Variants in MAP4K3 observed in about 807,000 individuals in gnomAD.
The protein encoded by MAP4K3 is MAPK/ERK kinase kinase kinase 3.
Under a neutral mutation model 143.5 loss-of-function variants are expected in MAP4K3, and 94 were observed. The ratio of observed to expected loss-of-function variants is 0.65; its 90% CI spans 0.55 to 0.78. The LOEUF is 0.78. Ranked by LOEUF, MAP4K3 falls within the 30% of genes least tolerant of loss-of-function variation. The pLI is 0.00. For missense variants in MAP4K3, 1,077 were observed against 1,068.1 expected (o/e 1.01, Z -0.12); for synonymous variants, 416 against 347.2 (o/e 1.20, Z -2.20).
intron 4 of MAP4K3, among the ~76,000 whole-genome samples, chr2:39,340,586 G>C (rs1015209927): frequency 1.3e-5 from 2 of 152,136 alleles, no homozygotes; most frequent in African/African-American, 4.8e-5. Context: ...AACGAAACTG[G>C]TCTTGCTTCT....
intron 1 of MAP4K3, among the ~76,000 whole-genome samples, chr2:39,435,557 G>A (rs1050892405): frequency 3.9e-5 from 6 of 152,144 alleles, no homozygotes; most frequent in African/African-American, 1.4e-4. Flanking sequence ...ACAGGATCAG[G>A]TCCTCCTATT....
rs1425679890 is a variant in MAP4K3, at chr2:39,260,749, A to G, written c.2165T>C (p.Leu722Pro). Residue 722 changes from leucine to proline, a missense_variant, in exon 29 of 34, where the codon CTT becomes CCT. Physicochemically the swap from Leu to Pro is moderately conservative, Grantham distance 98. This residue lies in a region of MAP4K3 where 864 missense variants were observed against 801.2 expected (regional missense o/e 1.08). Coordinates refer to ENST00000263881, the MANE Select transcript of MAP4K3 (RefSeq NM_003618.4). ...KHIDFPIPCP[L>P]RMFEMLVVPE... ...AACTACCAGCATTTCAAACATTCTA[A>G]GTGGACATGGTATAGGAAAATCTAT... 6.2e-7 allele frequency: 1 copy of G among 1,613,318 alleles called. No individual in the cohort carries two copies. The highest frequency in any genetic ancestry group is 1.1e-5 in the South Asian group (1 of 91,038).
At chr2:39,362,138 T>G (rs535695082) in intron 2 of MAP4K3, among the ~76,000 whole-genome samples, 53 of 152,246 alleles carry the variant, frequency 3.5e-4, no homozygotes, top group Non-Finnish European at 2.9e-5. Flanking sequence ...AGTTTTCTAC[T>G]AGATATTATT....
At chr2:39,354,006 C>T (rs1410818532) in intron 3 of MAP4K3, among the ~76,000 whole-genome samples, 1 of 152,152 alleles carries the variant, frequency 6.6e-6, no homozygotes, top group Non-Finnish European at 1.5e-5. Flanking sequence ...AACCTCTTAA[C>T]TACCAAAGAT....
chr2:39,296,770 C>A (rs1303301603), intron 16 of MAP4K3, among the ~76,000 whole-genome samples: 2 of 152,196 alleles, frequency 1.3e-5, no homozygotes, highest in African/African-American at 4.8e-5. Context: ...CTTGTTCATA[C>A]AATCAACAAT....
In MAP4K3 at chr2:39,250,978, A is replaced by C. The variant is rs930589009; in HGVS notation, c.2598-273T>G. ...ATTAGAAATTATTTGGGGGAACTTA[A>C]TTCTTATTACAAGTTCTAAAAACGA... On this transcript the variant is annotated intron_variant, in intron 33 of 33. Coordinates refer to ENST00000263881, the MANE Select transcript of MAP4K3 (RefSeq NM_003618.4). 3.3e-5 allele frequency among the ~76,000 whole-genome samples: 5 copies of C among 152,216 alleles called. No individual in the cohort carries two copies. In the East Asian group the frequency reaches 9.6e-4, roughly 29 times the overall value.
chr2:39,312,837 T>C (rs1682986721), intron 13 of MAP4K3, among the ~76,000 whole-genome samples: 1 of 152,350 alleles, frequency 6.6e-6, no homozygotes, highest in East Asian at 1.9e-4. Flanking sequence ...AATTCCAAAA[T>C]GCGGTCTGTA....
chr2:39,410,180 T>C (rs1667197919), intron 1 of MAP4K3, among the ~76,000 whole-genome samples: 1 of 152,194 alleles, frequency 6.6e-6, no homozygotes, highest in Non-Finnish European at 1.5e-5. Context: ...GAGCTGCTAA[T>C]CTGTCATTTA....
At chr2:39,328,993 A>C (rs138580043) in intron 8 of MAP4K3, among the ~76,000 whole-genome samples, 1 of 152,230 alleles carries the variant, frequency 6.6e-6, no homozygotes, top group East Asian at 1.9e-4. Context: ...GAGAGGTTCT[A>C]AAGTTTTAGA....
In MAP4K3 at chr2:39,257,724, G is replaced by A. The variant is rs546709799; in HGVS notation, c.2470+624C>T. Among the ~76,000 whole-genome samples, 245 of 150,408 alleles carry A rather than the reference G, an allele frequency of 1.6e-3. 3 individuals are homozygous for A. Among genetic ancestry groups the A allele is most frequent in the African/African-American group, 5.2e-3 (215 of 40,972 alleles). Reference sequence around the variant, plus strand: ...TGAGGCAGGAGAATCACTTGAATCCGGGAGGCAGAGGTTGCAGTGAGCTGA... The same window carrying A: ...TGAGGCAGGAGAATCACTTGAATCCAGGAGGCAGAGGTTGCAGTGAGCTGA... On this transcript the variant is annotated intron_variant, in intron 31 of 33. Coordinates refer to ENST00000263881, the MANE Select transcript of MAP4K3 (RefSeq NM_003618.4).
chr2:39,309,382 G>A, intron 14 of MAP4K3, 79 bp downstream of exon 14: 1 of 999,126 alleles, frequency 1.0e-6, no homozygotes, highest in Non-Finnish European at 1.5e-6. Context: ...TAGCTTTTTT[G>A]GTCAGTACTA....
intron 1 of MAP4K3, among the ~76,000 whole-genome samples, chr2:39,420,612 T>C (rs1203107540): frequency 1.3e-5 from 2 of 151,506 alleles, no homozygotes; most frequent in African/African-American, 4.9e-5. Flanking sequence ...GAGGTCTAGC[T>C]ATGTTGTCCA....
At chr2:39,435,111 C>G (rs572939998) in intron 1 of MAP4K3, among the ~76,000 whole-genome samples, 2 of 152,234 alleles carry the variant, frequency 1.3e-5, no homozygotes, top group African/African-American at 4.8e-5. Context: ...TAAGCGAACT[C>G]CCCCAACCAG....
chr2:39,254,342 T>C lies in MAP4K3; in HGVS notation c.2541+108A>G, dbSNP rs765216491. The C allele has an allele frequency of 5.7e-4, 468 of 824,838 alleles. 2 individuals carry two copies. The highest frequency in any genetic ancestry group is 7.2e-4 in the Non-Finnish European group (357 of 497,190). The allele number at this position is 824,838 out of a possible 1,614,324, so 51.1% of individuals were successfully genotyped here. A position where few individuals can be genotyped will look rare whatever the true frequency, so the allele number is the denominator to read the frequency against. On this transcript the variant is annotated intron_variant, in intron 32 of 33. Transcript: ENST00000263881. ...ATCAATAGACTAAATACAGTAAGTA[T>C]TAATAAAGTTAGCCAATCAAGCATT...
chr2:39,316,815 T>C (rs1463529414), intron 12 of MAP4K3, among the ~76,000 whole-genome samples: 1 of 152,172 alleles, frequency 6.6e-6, no homozygotes, highest in South Asian at 2.1e-4. Context: ...ACTTAAAAAG[T>C]TGCCCTTCTA....
intron 7 of MAP4K3, among the ~76,000 whole-genome samples, chr2:39,332,586 T>A (rs922211922): frequency 2.0e-5 from 3 of 152,076 alleles, no homozygotes; most frequent in Non-Finnish European, 2.9e-5. Flanking sequence ...TTACTAATGA[T>A]GACTTCTAAA....
In MAP4K3 at chr2:39,428,431, T is replaced by C. The variant is rs564962043; in HGVS notation, c.96+8461A>G. ...GCTCACGCCTGTAATCCCAGCACTT[T>C]GGGAGGCTGAGGCAGGTGATCACCT... On this transcript the variant is annotated intron_variant, in intron 1 of 33. Transcript: ENST00000263881. Among the ~76,000 whole-genome samples the C allele has an allele frequency of 2.6e-5, 4 of 152,294 alleles. No individual in the cohort carries two copies. In the South Asian group the frequency reaches 8.3e-4, roughly 32 times the overall value.
In MAP4K3 at chr2:39,266,074, T is replaced by C. The variant is rs534201891; in HGVS notation, c.2033-768A>G. Among the ~76,000 whole-genome samples the C allele has an allele frequency of 2.3e-4, 35 of 152,332 alleles. 1 individual carries two copies. The South Asian group carries it at 5.0e-3, about 22-fold the overall frequency. On this transcript the variant is annotated intron_variant, in intron 27 of 33. Coordinates refer to ENST00000263881, the MANE Select transcript of MAP4K3 (RefSeq NM_003618.4). ...CCGCCAAAGAAAACAGAGAAGTCTA[T>C]ATAGGAAATTCTTTCCTATAATTAA...
At chr2:39,282,913 G>A (rs535551833) in intron 21 of MAP4K3, among the ~76,000 whole-genome samples, 2 of 152,248 alleles carry the variant, frequency 1.3e-5, no homozygotes, top group Admixed American at 1.3e-4. Flanking sequence ...TACACTATCT[G>A]CAGGATCTTT....
Sources: gnomAD v4.1 joint callset for allele counts (sites outside exome capture counted in the v4.1 genomes callset) on GRCh38, gnomAD v4.1.1 for gene constraint, gnomAD v4.1.1 regional missense constraint, MANE v1.5 for transcripts, NCBI Gene and HGNC (gene_info 2026-07-23, HGNC 2026-07-21) for gene names.